ASTN2: variants seen among roughly 807,000 people sequenced by gnomAD.
The protein encoded by ASTN2 is astrotactin 2.
A neutral mutation model predicts 139.8 loss-of-function variants in ASTN2; 54 were observed. That is an observed-to-expected ratio of 0.39 (90% CI 0.31 to 0.48). The LOEUF (loss-of-function observed/expected upper bound fraction) is 0.48. ASTN2 is among the 20% of genes least tolerant of loss of function. The pLI is 0.95. For synonymous variants in ASTN2, 756 were observed against 719.5 expected (o/e 1.05, Z -0.81); for missense variants, 1,565 against 1,725.1 (o/e 0.91, Z 1.64).
chr9:116,470,376 C>T (rs10817896), intron 20 of ASTN2, among the ~76,000 whole-genome samples: 43,327 of 151,838 alleles, frequency 0.29, 6,703 homozygotes, highest in East Asian at 0.49. Flanking sequence ...TCTGGGGATG[C>T]TGGATCAGTT....
chr9:117,100,307 G>A lies in ASTN2; in HGVS notation c.1169-4156C>T, dbSNP rs376113559. Among the ~76,000 whole-genome samples the A allele has an allele frequency of 2.9e-4, 42 of 145,444 alleles. No homozygotes were observed. The South Asian group carries it at 8.1e-3, about 28-fold the overall frequency. On this transcript the variant is annotated intron_variant, in intron 4 of 22. Coordinates refer to ENST00000313400, the MANE Select transcript of ASTN2 (RefSeq NM_001365068.1). ...AGTACTAAAGTACCATGTGTTCAGA[G>A]TGAAAACTGAGGCTCAGAAACAATG...
intron 7 of ASTN2, among the ~76,000 whole-genome samples, chr9:116,991,706 T>C (rs536087931): frequency 1.2e-4 from 18 of 152,090 alleles, no homozygotes; most frequent in Non-Finnish European, 2.4e-4. Context: ...CCACCAGTGG[T>C]TCCCCCTTGC....
At chr9:117,081,535 T>C (rs1828428358) in intron 5 of ASTN2, among the ~76,000 whole-genome samples, 1 of 152,174 alleles carries the variant, frequency 6.6e-6, no homozygotes, top group Non-Finnish European at 1.5e-5. Context: ...TATGATAGGA[T>C]ATCACTCCAT....
At chr9:116,843,387 G>A (rs1832325726) in intron 11 of ASTN2, among the ~76,000 whole-genome samples, 1 of 152,154 alleles carries the variant, frequency 6.6e-6, no homozygotes. Context: ...GACGGGCGTG[G>A]TGGCTCATGC....
chr9:117,409,919 C>T (rs1011087322), intron 1 of ASTN2, among the ~76,000 whole-genome samples: 3 of 152,230 alleles, frequency 2.0e-5, no homozygotes, highest in African/African-American at 7.2e-5. Flanking sequence ...GCATTTCAAA[C>T]CGTATCTTCC....
chr9:116,662,026 AT>A lies in ASTN2; in HGVS notation c.2807-10234del, dbSNP rs201830348. ...TTAAATTAAAAAAAAAAAGAAAAAA[AT>A]ATATATATATAAAAGGTGACAAGGC... On this transcript the variant is annotated intron_variant, in intron 16 of 22. Transcript: ENST00000313400. Among the ~76,000 whole-genome samples, 1,503 of 151,434 alleles carry A rather than the reference AT, an allele frequency of 9.9e-3. 16 individuals carry two copies. The highest frequency in any genetic ancestry group is 0.02 in the Middle Eastern group (6 of 294).
chr9:117,157,773 G>C (rs1830462898), intron 3 of ASTN2, among the ~76,000 whole-genome samples: 1 of 151,980 alleles, frequency 6.6e-6, no homozygotes, highest in Non-Finnish European at 1.5e-5. Flanking sequence ...AGATGAGAAG[G>C]AGCGAATGAC....
intron 7 of ASTN2, among the ~76,000 whole-genome samples, chr9:116,996,511 A>C (rs1837020591): frequency 6.6e-6 from 1 of 152,082 alleles, no homozygotes; most frequent in South Asian, 2.1e-4. Context: ...ACTAGTACAG[A>C]AAGTCACTTC....
chr9:116,655,742 A>G (rs1858172582), intron 16 of ASTN2, among the ~76,000 whole-genome samples: 1 of 152,078 alleles, frequency 6.6e-6, no homozygotes, highest in Non-Finnish European at 1.5e-5. Flanking sequence ...CTTGGGTTGA[A>G]GTCAGTGGCA....
intron 22 of ASTN2, among the ~76,000 whole-genome samples, chr9:116,431,858 A>G (rs1010958055): frequency 1.3e-5 from 2 of 152,170 alleles, no homozygotes; most frequent in African/African-American, 4.8e-5. Context: ...TAAGGCATCA[A>G]AACATTATGA....
intron 10 of ASTN2, among the ~76,000 whole-genome samples, chr9:116,923,144 G>C (rs1834660758): frequency 6.6e-6 from 1 of 152,160 alleles, no homozygotes; most frequent in African/African-American, 2.4e-5. Context: ...TCTTTCCAAG[G>C]TTATAACAGT....
intron 2 of ASTN2, among the ~76,000 whole-genome samples, chr9:117,248,504 G>A (rs539755426): frequency 3.3e-4 from 51 of 152,286 alleles, no homozygotes; most frequent in African/African-American, 1.2e-3. Flanking sequence ...TGCATTGTTT[G>A]GATCCTAGAG....
chr9:117,171,023 A>C (rs868427638), intron 3 of ASTN2, among the ~76,000 whole-genome samples: 2 of 151,988 alleles, frequency 1.3e-5, no homozygotes, highest in Non-Finnish European at 2.9e-5. Context: ...ATTACCACCA[A>C]CCATGCCATC....
chr9:117,215,363 T>C (rs896927838), intron 2 of ASTN2, among the ~76,000 whole-genome samples: 8 of 152,014 alleles, frequency 5.3e-5, no homozygotes, highest in African/African-American at 1.9e-4. Context: ...TCTGAATTTC[T>C]ATAAGGGAAC....
At chr9:116,640,135 C>A (rs1857259584) in intron 17 of ASTN2, among the ~76,000 whole-genome samples, 1 of 151,776 alleles carries the variant, frequency 6.6e-6, no homozygotes, top group Non-Finnish European at 1.5e-5. Context: ...ACTGAGCAAG[C>A]CATTTGAAAA....
At chr9:116,690,844 C>A (rs1402846894) in intron 16 of ASTN2, among the ~76,000 whole-genome samples, 1 of 152,138 alleles carries the variant, frequency 6.6e-6, no homozygotes, top group Non-Finnish European at 1.5e-5. Context: ...AAATGCCTGA[C>A]AATAAATAGT....
intron 19 of ASTN2, among the ~76,000 whole-genome samples, chr9:116,552,713 A>G (rs1290191709): frequency 6.6e-6 from 1 of 152,184 alleles, no homozygotes; most frequent in Admixed American, 6.5e-5. Flanking sequence ...TTCTGGGGTA[A>G]AAAGCCCAAC....
chr9:116,630,616 T>C (rs1027714643), intron 17 of ASTN2, among the ~76,000 whole-genome samples: 4 of 151,082 alleles, frequency 2.6e-5, no homozygotes, highest in African/African-American at 4.9e-5. Flanking sequence ...AATGACTTAA[T>C]AAAAAAAAAT....
In ASTN2 at chr9:117,291,276, T is replaced by C. The variant is rs1834583103; in HGVS notation, c.630+50A>G. On this transcript the variant is annotated intron_variant, in intron 2 of 22. Coordinates refer to ENST00000313400, the MANE Select transcript of ASTN2 (RefSeq NM_001365068.1). Reference sequence around the variant, plus strand: ...CCCGCCCCCTCCATCTCTCCACCCATTCCTCCCCCACGCAATCCCCGACCC... The same window carrying C: ...CCCGCCCCCTCCATCTCTCCACCCACTCCTCCCCCACGCAATCCCCGACCC... The C allele has an allele frequency of 2.0e-6, 3 of 1,516,492 alleles. No individual in the cohort carries two copies. In the East Asian group the frequency reaches 7.0e-5, roughly 35 times the overall value. 93.9% of individuals were successfully genotyped at this position (1,516,492 alleles called of 1,614,324 possible).
Sources: allele counts gnomAD v4.1 joint callset (sites outside exome capture counted in the v4.1 genomes callset), GRCh38; gene constraint gnomAD v4.1.1; transcripts MANE v1.5; gene names NCBI Gene and HGNC (gene_info 2026-07-23, HGNC 2026-07-21).